AGMO: variants seen among roughly 807,000 people sequenced by gnomAD.
AGMO encodes glyceryl-ether monooxygenase.
Under a neutral mutation model 60.2 loss-of-function variants are expected in AGMO, and 75 were observed. That is an observed-to-expected ratio of 1.25 (90% CI 1.03 to 1.51). The LOEUF is 1.51. Among genes scored for constraint, AGMO ranks in the 40% most tolerant of loss-of-function variants. AGMO has a pLI of 0.00. For synonymous variants in AGMO, 261 were observed against 177.1 expected, an observed-to-expected ratio of 1.47 and a Z score of -3.76; for missense variants, 763 against 525.5, an observed-to-expected ratio of 1.45 and a Z score of -4.42.
chr7:15,430,918 G>GTTTTTT (rs71004378), intron 4 of AGMO, 87 bp downstream of exon 4: 85,570 of 387,096 alleles, frequency 0.22, 11,388 homozygotes, highest in African/African-American at 0.33. Context: ...CCTTCTATTA[G>GTTTTTT]TTTTTTTTTT....
chr7:15,151,524 G>T, the AGMO span, among the ~76,000 whole-genome samples: 2 of 152,022 alleles, frequency 1.3e-5, no homozygotes, highest in Non-Finnish European at 2.9e-5. Context: ...GTTTTCATTA[G>T]TTTTAAAGAA....
At chr7:15,296,157 C>T (rs193105315) in intron 12 of AGMO, among the ~76,000 whole-genome samples, 1 of 151,956 alleles carries the variant, frequency 6.6e-6, no homozygotes, top group African/African-American at 2.4e-5. Flanking sequence ...TGGGACTATA[C>T]AATCACTAAG....
At chr7:15,133,247 T>C in the AGMO span, among the ~76,000 whole-genome samples, 2 of 152,200 alleles carry the variant, frequency 1.3e-5, no homozygotes, top group African/African-American at 2.4e-5. Flanking sequence ...TATTTAGGAA[T>C]TGCAGGCATA....
At chr7:15,126,702 C>T in the AGMO span, among the ~76,000 whole-genome samples, 1 of 152,042 alleles carries the variant, frequency 6.6e-6, no homozygotes, top group African/African-American at 2.4e-5. Context: ...AAATATTTTA[C>T]CCCAAAGCAC....
At position 15,202,458 on chromosome 7, in the gene AGMO, C is replaced by CAAAAAAAAAAAAAA. The variant is rs71004370; in HGVS notation, c.1264-1113_1264-1100dup. Among the ~76,000 whole-genome samples, 49 of 45,364 alleles carry CAAAAAAAAAAAAAA rather than the reference C, an allele frequency of 1.1e-3. 7 individuals are homozygous for CAAAAAAAAAAAAAA. Among genetic ancestry groups the CAAAAAAAAAAAAAA allele is most frequent in the South Asian group, 1.9e-3 (2 of 1,050 alleles). 29.8% of individuals were successfully genotyped at this position (45,364 alleles called of 152,430 possible). On this transcript the variant is annotated intron_variant, in intron 12 of 12. Transcript: ENST00000342526. Reference sequence around the variant, plus strand: ...CACCAACAACCAAAATACAAATGAGCAAAAAAAAAAAAAAAAAAAAAAAAA... The same window carrying CAAAAAAAAAAAAAA: ...CACCAACAACCAAAATACAAATGAGCAAAAAAAAAAAAAAAAAAAAAAAAAAAAAAAAAAAAAAA...
chr7:15,288,891 AGCTTCCGTAAGTTTTG>A (rs1188987843), intron 12 of AGMO, among the ~76,000 whole-genome samples: 1 of 151,668 alleles, frequency 6.6e-6, no homozygotes, highest in Non-Finnish European at 1.5e-5. Flanking sequence ...ATCTCTTTAA[AGCTTCCGTAAGTTTTG>A]GCAAACATCA....
At chr7:15,386,848 A>G (rs970381937) in intron 9 of AGMO, among the ~76,000 whole-genome samples, 1 of 152,076 alleles carries the variant, frequency 6.6e-6, no homozygotes, top group African/African-American at 2.4e-5. Context: ...TGAATTTTTC[A>G]TTTGGGTTCT....
intron 12 of AGMO, among the ~76,000 whole-genome samples, chr7:15,336,456 A>T (rs1781664006): frequency 6.6e-6 from 1 of 152,092 alleles, no homozygotes; most frequent in Admixed American, 6.6e-5. Flanking sequence ...AACTTTCAGC[A>T]TACCCACTTG....
chr7:15,467,312 A>T (rs1295242925), intron 3 of AGMO, among the ~76,000 whole-genome samples: 1 of 152,204 alleles, frequency 6.6e-6, no homozygotes, highest in Non-Finnish European at 1.5e-5. Flanking sequence ...GCCTAAGAGC[A>T]AGGGGTTTCT....
At chr7:15,178,362 CT>C in the AGMO span, among the ~76,000 whole-genome samples, 5 of 152,262 alleles carry the variant, frequency 3.3e-5, no homozygotes, top group Admixed American at 2.0e-4. Context: ...CATTATTGCA[CT>C]GCTTTCCTGC....
chr7:15,277,693 T>C (rs917595885), intron 12 of AGMO, among the ~76,000 whole-genome samples: 1 of 152,136 alleles, frequency 6.6e-6, no homozygotes, highest in South Asian at 2.1e-4. Context: ...AAATGGCAAT[T>C]ACAGGTAATA....
chr7:15,235,384 G>A (rs780234542), intron 12 of AGMO, among the ~76,000 whole-genome samples: 2 of 152,064 alleles, frequency 1.3e-5, no homozygotes. Context: ...AATGACTAGA[G>A]TGTTAATTAC....
At chr7:15,267,189 G>T (rs1783456978) in intron 12 of AGMO, among the ~76,000 whole-genome samples, 1 of 151,914 alleles carries the variant, frequency 6.6e-6, no homozygotes, top group South Asian at 2.1e-4. Context: ...GATTTTATGT[G>T]CTTGAACTAA....
At chr7:15,471,562 A>C (rs534631477) in intron 3 of AGMO, among the ~76,000 whole-genome samples, 1 of 152,004 alleles carries the variant, frequency 6.6e-6, no homozygotes, top group Admixed American at 6.6e-5. Flanking sequence ...TAGTAGCTTT[A>C]ACTATAAATG....
chr7:15,339,588 C>A (rs1399925041), intron 12 of AGMO, among the ~76,000 whole-genome samples: 2 of 152,086 alleles, frequency 1.3e-5, no homozygotes, highest in African/African-American at 4.8e-5. Flanking sequence ...ATAGGGCTTG[C>A]TGCATTTTAT....
intron 12 of AGMO, among the ~76,000 whole-genome samples, chr7:15,280,071 A>AG (rs1237529326): frequency 1.3e-5 from 2 of 152,162 alleles, no homozygotes; most frequent in East Asian, 3.9e-4. Flanking sequence ...GGCCAGAATC[A>AG]GGGGGTGAGT....
At chr7:15,558,218 A>G (rs781588080) in intron 2 of AGMO, among the ~76,000 whole-genome samples, 3 of 152,078 alleles carry the variant, frequency 2.0e-5, no homozygotes, top group Non-Finnish European at 4.4e-5. Flanking sequence ...TTGGAACAAA[A>G]TCAAACTTTA....
chr7:15,230,439 G>T (rs1218333562), intron 12 of AGMO, among the ~76,000 whole-genome samples: 1 of 152,094 alleles, frequency 6.6e-6, no homozygotes, highest in African/African-American at 2.4e-5. Context: ...GTCCCACATG[G>T]GACCTATGTC....
At chr7:15,171,910 AACCC>A in the AGMO span, among the ~76,000 whole-genome samples, 2 of 152,194 alleles carry the variant, frequency 1.3e-5, no homozygotes, top group Non-Finnish European at 2.9e-5. Flanking sequence ...AAGGTGGAGA[AACCC>A]ACATATCTAA....
Sources: gnomAD v4.1 joint callset for allele counts (sites outside exome capture counted in the v4.1 genomes callset) on GRCh38, gnomAD v4.1.1 for gene constraint, MANE v1.5 for transcripts, NCBI Gene and HGNC (gene_info 2026-07-23, HGNC 2026-07-21) for gene names.